Variants in TFG observed in about 807,000 individuals in gnomAD.
The protein encoded by TFG is protein TFG.
A neutral mutation model predicts 51.4 loss-of-function variants in TFG; 22 were observed. The observed-to-expected ratio is 0.43, with a 90% CI of 0.31 to 0.61. TFG has a LOEUF of 0.61. Ranked by LOEUF, TFG falls within the 20% of genes least tolerant of loss-of-function variation. TFG has a pLI of 0.12. For missense variants in TFG, 419 were observed against 487.7 expected (o/e 0.86, Z 1.33); for synonymous variants, 187 against 165.6 (o/e 1.13, Z -0.99).
chr3:100,732,399 A>G lies in TFG; in HGVS notation c.416-109A>G, dbSNP rs542762385. On this transcript the variant is annotated intron_variant, in intron 4 of 7. Transcript: ENST00000240851. The stretch of plus-strand genomic sequence containing the variant: ...GTAATCCTATATTCCGACATGCTTA[A>G]CATTCCAGACTATCATTATACACCT... 2.7e-5 allele frequency: 18 copies of G among 658,696 alleles called. 1 individual carries two copies. The East Asian group carries it at 5.2e-4, about 19-fold the overall frequency. The allele number at this position is 658,696 out of a possible 1,614,324, so 40.8% of individuals were successfully genotyped here.
intron 1 of TFG, among the ~76,000 whole-genome samples, chr3:100,712,554 T>G (rs2095034060): frequency 6.6e-6 from 1 of 152,202 alleles, no homozygotes; most frequent in African/African-American, 2.4e-5. Flanking sequence ...TAGATAACAT[T>G]CAGGAACATC....
At chr3:100,734,247 C>G (rs1463791765) in intron 5 of TFG, among the ~76,000 whole-genome samples, 8 of 152,116 alleles carry the variant, frequency 5.3e-5, no homozygotes, top group Non-Finnish European at 1.2e-4. Context: ...CTCCTTCTTT[C>G]TCCCTATGGT....
At chr3:100,711,366 G>C (rs911470514) in intron 1 of TFG, among the ~76,000 whole-genome samples, 4 of 152,176 alleles carry the variant, frequency 2.6e-5, no homozygotes, top group African/African-American at 9.7e-5. Context: ...CTCCCAAAGT[G>C]CTGGGATTAC....
chr3:100,715,157 G>T (rs1322731925), intron 2 of TFG, among the ~76,000 whole-genome samples: 1 of 152,194 alleles, frequency 6.6e-6, no homozygotes, highest in East Asian at 1.9e-4. Context: ...CTGTGTTAGG[G>T]TTGGGCTTAA....
At chr3:100,711,444 C>G (rs1488930601) in intron 1 of TFG, among the ~76,000 whole-genome samples, 1 of 152,144 alleles carries the variant, frequency 6.6e-6, no homozygotes, top group African/African-American at 2.4e-5. Flanking sequence ...AACCCGTACC[C>G]CAGTCAGAAG....
chr3:100,734,607 C>G (rs2095101542), intron 5 of TFG, among the ~76,000 whole-genome samples: 1 of 152,038 alleles, frequency 6.6e-6, no homozygotes, highest in Non-Finnish European at 1.5e-5. Flanking sequence ...CAAATAGTTT[C>G]TTTTGTTTTG....
intron 1 of TFG, among the ~76,000 whole-genome samples, chr3:100,713,058 T>C (rs2095035370): frequency 6.6e-6 from 1 of 152,252 alleles, no homozygotes; most frequent in African/African-American, 2.4e-5. Context: ...TAGGTTTTAC[T>C]TAACAGTGTT....
intron 2 of TFG, among the ~76,000 whole-genome samples, chr3:100,719,241 T>G (rs1431159246): frequency 6.6e-6 from 1 of 152,186 alleles, no homozygotes; most frequent in Admixed American, 6.5e-5. Context: ...CCCAACTGTT[T>G]GTGAAGACAC....
Position 100,722,364 on chromosome 3 carries a change from G to A in TFG, c.268+2306G>A, listed in dbSNP as rs114535253. On this transcript the variant is annotated intron_variant, in intron 3 of 7. Coordinates refer to ENST00000240851, the MANE Select transcript of TFG (RefSeq NM_006070.6). ...AAATCCAAAGAAATTACAGAGTAAA[G>A]CACAAAAACACAGGCAAAAGAGAAG... is the stretch of plus-strand genomic sequence containing the variant. Among the ~76,000 whole-genome samples the A allele has an allele frequency of 3.4e-3, 523 of 152,230 alleles. 5 individuals are homozygous for A. The highest frequency in any genetic ancestry group is 5.0e-3 in the Non-Finnish European group (343 of 68,004).
In TFG at chr3:100,712,588, T is replaced by G. The variant is rs1218703320; in HGVS notation, c.-43-1055T>G. Among the ~76,000 whole-genome samples the G allele has an allele frequency of 2.6e-5, 4 of 152,194 alleles. No individual in the cohort carries two copies. The South Asian group carries it at 6.2e-4, about 24-fold the overall frequency. On this transcript the variant is annotated intron_variant, in intron 1 of 7. Coordinates refer to ENST00000240851, the MANE Select transcript of TFG (RefSeq NM_006070.6). Reference sequence around the variant, plus strand: ...TCTTGGCCTTGAGAAGAAGAGATATTAATCCATTATTTTTCCCTTTATTTA... The same window carrying G: ...TCTTGGCCTTGAGAAGAAGAGATATGAATCCATTATTTTTCCCTTTATTTA...
intron 3 of TFG, among the ~76,000 whole-genome samples, chr3:100,724,286 G>T (rs574134215): frequency 4.5e-4 from 68 of 152,288 alleles, no homozygotes; most frequent in African/African-American, 1.6e-3. Context: ...TTGAAAAGAT[G>T]CAGTTGGCAA....
intron 4 of TFG, 74 bp downstream of exon 4, chr3:100,728,932 A>G (rs1165746631): frequency 1.0e-5 from 14 of 1,344,288 alleles, no homozygotes; most frequent in Non-Finnish European, 1.4e-5. Context: ...ACTCTTTTTA[A>G]GTAGGAGAAG....
Position 100,748,810 on chromosome 3 carries a change from G to T in TFG, c.*279G>T. 2.9e-6 allele frequency: 1 copy of T among 345,460 alleles called. No individual in the cohort carries two copies. Among genetic ancestry groups the T allele is most frequent in the Non-Finnish European group, 5.3e-6 (1 of 189,922 alleles). 21.4% of individuals were successfully genotyped at this position (345,460 alleles called of 1,614,324 possible). On this transcript the variant is annotated 3_prime_UTR_variant, in exon 8 of 8. Coordinates refer to ENST00000240851, the MANE Select transcript of TFG (RefSeq NM_006070.6). ...TTGACTTGACTTTCTAGCTTCCCTT[G>T]TCCGGAGGATATTAAAATGCTAGGG...
At chr3:100,738,484 A>G (rs1004581337) in intron 6 of TFG, among the ~76,000 whole-genome samples, 3 of 152,242 alleles carry the variant, frequency 2.0e-5, no homozygotes, top group Admixed American at 6.5e-5. Context: ...GCTACTAGCA[A>G]TATCTAAACA....
chr3:100,744,853 C>T lies in TFG; in HGVS notation c.742C>T (p.Gln248Ter), dbSNP rs1220509456. 6.2e-7 allele frequency: 1 copy of T among 1,613,176 alleles called. No homozygotes were observed. The highest frequency in any genetic ancestry group is 8.5e-7 in the Non-Finnish European group (1 of 1,179,422). The change falls in exon 7 of 8, where the codon CAG (glutamine) becomes TAG (stop). Residue 248 changes from glutamine to a stop codon, truncating the protein, a stop_gained. Coordinates refer to ENST00000240851, the MANE Select transcript of TFG (RefSeq NM_006070.6). LOFTEE classifies it high-confidence loss of function. Reference protein sequence around the residue: ...QIEGQMYQQYQQQAGYGAQQP... With the variant: ...QIEGQMYQQY Reference sequence around the variant, plus strand: ...TTCAGGTCAGATGTACCAACAGTACCAGCAACAGGCCGGCTATGGTGCACA... The same window carrying T: ...TTCAGGTCAGATGTACCAACAGTACTAGCAACAGGCCGGCTATGGTGCACA...
intron 4 of TFG, among the ~76,000 whole-genome samples, chr3:100,731,871 A>G (rs1201630248): frequency 6.6e-6 from 1 of 152,190 alleles, no homozygotes; most frequent in Non-Finnish European, 1.5e-5. Context: ...ATTTTGATGC[A>G]GATCCCATAT....
chr3:100,728,991 G>A (rs2095083913), intron 4 of TFG, 133 bp downstream of exon 4: 2 of 730,974 alleles, frequency 2.7e-6, no homozygotes, highest in Non-Finnish European at 4.3e-6. Context: ...CTCTCTACTA[G>A]TATTTATGTC....
rs1321102960 is a variant in TFG at position 100,732,500 on chromosome 3, T to A, written c.416-8T>A. The A allele has an allele frequency of 3.1e-6, 5 of 1,595,710 alleles. No individual in the cohort carries two copies. The highest frequency in any genetic ancestry group is 4.3e-6 in the Non-Finnish European group (5 of 1,174,660). On this transcript the variant is annotated splice_polypyrimidine_tract_variant and splice_region_variant and intron_variant, in intron 4 of 7. Transcript: ENST00000240851. ...AACAAGTTTTTGTTTATTCCTCTAT[T>A]TTTACAGATACTGTGGATGGTAGGG...
chr3:100,714,667 G>A (rs940757436), intron 2 of TFG, among the ~76,000 whole-genome samples: 2 of 152,046 alleles, frequency 1.3e-5, no homozygotes, highest in African/African-American at 4.8e-5. Context: ...GAAATGAAAG[G>A]TTTTAGTATG....
Sources: allele counts gnomAD v4.1 joint callset (sites outside exome capture counted in the v4.1 genomes callset), GRCh38; gene constraint gnomAD v4.1.1; transcripts MANE v1.5; gene names NCBI Gene and HGNC (gene_info 2026-07-23, HGNC 2026-07-21).